The following PDE1C variants were observed in gnomAD, a reference collection of about 807,000 sequenced individuals.
PDE1C encodes the protein phosphodiesterase 1C.
Under a neutral mutation model 93.1 loss-of-function variants are expected in PDE1C, and 62 were observed. That is an observed-to-expected ratio of 0.67 (90% CI 0.54 to 0.82). The LOEUF (loss-of-function observed/expected upper bound fraction) is 0.82, where lower values mean the gene tolerates loss of function less well. Among genes scored for constraint, PDE1C ranks in the 40% least tolerant of loss-of-function variants. The probability of loss-of-function intolerance (pLI) is 0.00; values close to 1 mark genes in which losing one functional copy is unlikely to be tolerated. For missense variants in PDE1C, 742 were observed against 884.6 expected (o/e 0.84, Z 2.04); for synonymous variants, 325 against 310.1 (o/e 1.05, Z -0.50).
the PDE1C span, among the ~76,000 whole-genome samples, chr7:31,700,441 A>G: frequency 1.3e-5 from 2 of 152,200 alleles, no homozygotes; most frequent in Non-Finnish European, 2.9e-5. Flanking sequence ...AGGTAGCAGA[A>G]TTTGATTCAT....
At chr7:31,858,364 T>C (rs1008232674) in intron 7 of PDE1C, among the ~76,000 whole-genome samples, 1 of 152,150 alleles carries the variant, frequency 6.6e-6, no homozygotes, top group Non-Finnish European at 1.5e-5. Context: ...TCTACCATAA[T>C]GCCTGACAAC....
intron 1 of PDE1C, among the ~76,000 whole-genome samples, chr7:32,319,171 C>T (rs1310559103): frequency 1.3e-5 from 2 of 152,226 alleles, no homozygotes; most frequent in Non-Finnish European, 2.9e-5. Flanking sequence ...AGAAACTAAA[C>T]GTGATCTGTG....
chr7:31,898,931 C>T (rs986672320), intron 2 of PDE1C, among the ~76,000 whole-genome samples: 5 of 152,084 alleles, frequency 3.3e-5, no homozygotes, highest in Admixed American at 2.6e-4. Context: ...CTTTCACTAG[C>T]GTGGCTTCCT....
intron 2 of PDE1C, among the ~76,000 whole-genome samples, chr7:31,982,708 A>G (rs1307397360): frequency 6.6e-6 from 1 of 152,316 alleles, no homozygotes; most frequent in East Asian, 1.9e-4. Context: ...CAATTGTAGA[A>G]TCTAGATGGC....
chr7:31,900,937 A>G (rs1341021463), intron 2 of PDE1C, among the ~76,000 whole-genome samples: 1 of 150,286 alleles, frequency 6.7e-6, no homozygotes, highest in Non-Finnish European at 1.5e-5. Context: ...GACAGATACT[A>G]AAAAAAAATT....
At chr7:32,372,766 A>C (rs1476761942) in intron 1 of PDE1C, among the ~76,000 whole-genome samples, 1 of 152,236 alleles carries the variant, frequency 6.6e-6, no homozygotes, top group Non-Finnish European at 1.5e-5. Context: ...CTCAATAATA[A>C]AAAGACAAGT....
At chr7:31,671,567 G>C in the PDE1C span, among the ~76,000 whole-genome samples, 2 of 151,970 alleles carry the variant, frequency 1.3e-5, no homozygotes, top group Non-Finnish European at 2.9e-5. Context: ...TGCTATGCAC[G>C]ACCCACCCCA....
intron 3 of PDE1C, 86 bp from the exon 4 acceptor site, chr7:31,879,264 A>C: frequency 7.4e-7 from 1 of 1,350,298 alleles, no homozygotes; most frequent in Non-Finnish European, 1.0e-6. Flanking sequence ...TCTCTGCCTC[A>C]CCTGCATGTT....
chr7:31,726,755 A>T, the PDE1C span, among the ~76,000 whole-genome samples: 2 of 152,218 alleles, frequency 1.3e-5, no homozygotes, highest in Non-Finnish European at 2.9e-5. Flanking sequence ...AGATGTGGCC[A>T]GGCACAGTGG....
intron 2 of PDE1C, among the ~76,000 whole-genome samples, chr7:32,205,760 C>A (rs1328699459): frequency 6.6e-6 from 1 of 152,126 alleles, no homozygotes; most frequent in East Asian, 1.9e-4. Flanking sequence ...CCAGCGAGAC[C>A]ATGAAGCAAC....
At chr7:32,192,245 T>C (rs1372918095) in intron 2 of PDE1C, among the ~76,000 whole-genome samples, 1 of 152,200 alleles carries the variant, frequency 6.6e-6, no homozygotes, top group Admixed American at 6.5e-5. Flanking sequence ...TTTTTACTTT[T>C]ATAGATCATA....
chr7:32,027,134 C>G (rs1266803948), intron 2 of PDE1C, among the ~76,000 whole-genome samples: 1 of 152,020 alleles, frequency 6.6e-6, no homozygotes, highest in Non-Finnish European at 1.5e-5. Flanking sequence ...ATGTACATGA[C>G]CCAAAGTGAA....
At chr7:31,658,091 G>A in the PDE1C span, among the ~76,000 whole-genome samples, 2 of 152,144 alleles carry the variant, frequency 1.3e-5, no homozygotes, top group African/African-American at 4.8e-5. Flanking sequence ...ATGCATGAGG[G>A]AAGACCCAAG....
At chr7:32,282,512 G>GATAGATAGATAGATAGATA (rs1562647710) in intron 1 of PDE1C, among the ~76,000 whole-genome samples, 116 of 7,588 alleles carry the variant, frequency 0.015, no homozygotes, top group African/African-American at 0.027. Flanking sequence ...ATAGATAGAT[G>GATAGATAGATAGATAGATA]GTCAATTAAC....
chr7:31,887,457 A>G (rs995939556), intron 2 of PDE1C, among the ~76,000 whole-genome samples: 2 of 152,220 alleles, frequency 1.3e-5, no homozygotes, highest in Non-Finnish European at 1.5e-5. Flanking sequence ...GACTCCAGTT[A>G]CTTTTTCACT....
upstream of PDE1C, among the ~76,000 whole-genome samples, chr7:32,301,482 C>T (rs1447390336): frequency 6.6e-6 from 1 of 152,102 alleles, no homozygotes; most frequent in Non-Finnish European, 1.5e-5. Flanking sequence ...GTAAAAATAA[C>T]TTGTCTGAAT....
At chr7:32,335,721 T>C (rs1783605791) in intron 1 of PDE1C, among the ~76,000 whole-genome samples, 1 of 151,824 alleles carries the variant, frequency 6.6e-6, no homozygotes, top group African/African-American at 2.4e-5. Context: ...TTTTTGTTTG[T>C]TTGTTTGTTT....
chr7:32,403,734 C>T (rs1045741591), intron 1 of PDE1C, among the ~76,000 whole-genome samples: 4 of 152,170 alleles, frequency 2.6e-5, no homozygotes, highest in Non-Finnish European at 5.9e-5. Flanking sequence ...TGGCACGGAG[C>T]TCCCTCAATC....
At chr7:31,833,777 G>A (rs185709674) in intron 11 of PDE1C, among the ~76,000 whole-genome samples, 8 of 152,268 alleles carry the variant, frequency 5.3e-5, no homozygotes, top group African/African-American at 9.6e-5. Context: ...AAAGGGAAAC[G>A]ACACATAAAA....
Sources: gnomAD v4.1 joint callset for allele counts (sites outside exome capture counted in the v4.1 genomes callset) on GRCh38, gnomAD v4.1.1 for gene constraint, MANE v1.5 for transcripts, NCBI Gene and HGNC (gene_info 2026-07-23, HGNC 2026-07-21) for gene names.